ACAA1: variants seen among roughly 807,000 people sequenced by gnomAD.
ACAA1 encodes the protein acetyl-CoA acyltransferase 1.
Under a neutral mutation model 48.8 loss-of-function variants are expected in ACAA1, and 44 were observed. The ratio of observed to expected loss-of-function variants is 0.90; its 90% CI spans 0.71 to 1.16. ACAA1 has a LOEUF of 1.16. ACAA1 is among the 50% of genes most tolerant of loss of function. The pLI is 0.00. For synonymous variants in ACAA1, 233 were observed against 226.5 expected, an observed-to-expected ratio of 1.03 and a Z score of -0.26; for missense variants, 512 against 562.3, an observed-to-expected ratio of 0.91 and a Z score of 0.90.
In ACAA1 at chr3:38,129,846, C is replaced by T. The variant is rs1041127571; in HGVS notation, c.447-458G>A. Among the ~76,000 whole-genome samples, 4 of 152,040 alleles carry T rather than the reference C, an allele frequency of 2.6e-5. No individual in the cohort carries two copies. The highest frequency in any genetic ancestry group is 4.8e-5 in the African/African-American group (2 of 41,420). On this transcript the variant is annotated intron_variant, in intron 5 of 11. Coordinates refer to ENST00000333167, the MANE Select transcript of ACAA1 (RefSeq NM_001607.4). This position sits in a 1 kb window ranked among gnomAD's most constrained non-coding sequence, Gnocchi z 5.3. ...ATCCCAGCACTTTGGGAGGCCAAGG[C>T]GGGCAGATCATGAGGCTAACATGGT...
chr3:38,123,691 AGATT>A (rs1700597055), intron 11 of ACAA1: 1 of 152,456 alleles, frequency 6.6e-6, no homozygotes, highest in Admixed American at 6.5e-5. Flanking sequence ...CTTTTTTAAA[AGATT>A]GATTTAAAAG....
In ACAA1 at chr3:38,122,864, C is replaced by T; in HGVS notation, c.*183G>A. ...GGGTCTGATGGGTGGCTCAACACCC[C>T]ACCCACTCCTATACCATGTCATCAG... On this transcript the variant is annotated 3_prime_UTR_variant, in exon 12 of 12. Transcript: ENST00000333167. 1.3e-6 allele frequency: 1 copy of T among 780,230 alleles called. No individual in the cohort carries two copies. Among genetic ancestry groups the T allele is most frequent in the Non-Finnish European group, 2.0e-6 (1 of 499,312 alleles). 48.3% of individuals were successfully genotyped at this position (780,230 alleles called of 1,614,324 possible).
At chr3:38,127,732 A>T in intron 7 of ACAA1, 54 bp downstream of exon 7, 1 of 1,577,392 alleles carries the variant, frequency 6.3e-7, no homozygotes, top group Non-Finnish European at 8.7e-7. Context: ...ACTTAGATAG[A>T]CTCAAAACCT....
At chr3:38,124,957 C>T (rs1174395715) in intron 11 of ACAA1, 2 of 152,200 alleles carry the variant, frequency 1.3e-5, no homozygotes, top group East Asian at 1.9e-4. Context: ...CACACACTAA[C>T]CTCCTCTGCA....
At chr3:38,123,279 A>C in intron 11 of ACAA1, 157 bp from the exon 12 acceptor site, 1 of 660,500 alleles carries the variant, frequency 1.5e-6, no homozygotes, top group South Asian at 1.7e-5. Context: ...GGGCACACAC[A>C]CGGTGACAGA....
intron 2 of ACAA1, among the ~76,000 whole-genome samples, chr3:38,136,119 C>T (rs1011840008): frequency 6.6e-6 from 1 of 152,228 alleles, no homozygotes; most frequent in African/African-American, 2.4e-5. Context: ...TCCCTCAAAC[C>T]TTGATTCAAT....
At chr3:38,125,794 G>A (rs1700668099) in intron 10 of ACAA1, 32 bp downstream of exon 10, 2 of 1,614,140 alleles carry the variant, frequency 1.2e-6, no homozygotes, top group Non-Finnish European at 1.7e-6. Context: ...GGCTGTCCAG[G>A]GCAAAGGCAA....
At chr3:38,136,834 C>T in intron 1 of ACAA1, 31 bp downstream of exon 1, 1 of 1,496,180 alleles carries the variant, frequency 6.7e-7, no homozygotes, top group Non-Finnish European at 8.8e-7. Context: ...GGCGTCTTCC[C>T]ACACTCGGCG....
chr3:38,133,655 T>G (rs1365960957), intron 3 of ACAA1: 2 of 427,584 alleles, frequency 4.7e-6, no homozygotes, highest in South Asian at 5.8e-5. Flanking sequence ...ACTTGATTAC[T>G]CACCTGACAA....
At chr3:38,123,216 T>C (rs1363606934) in intron 11 of ACAA1, 94 bp from the exon 12 acceptor site, 2 of 1,248,518 alleles carry the variant, frequency 1.6e-6, no homozygotes, top group Middle Eastern at 1.9e-4. Flanking sequence ...ACAAGTAGGA[T>C]GCAAAACCAT....
chr3:38,125,989 G>A (rs888965829), intron 9 of ACAA1, 108 bp from the exon 10 acceptor site: 19 of 1,547,878 alleles, frequency 1.2e-5, no homozygotes, highest in East Asian at 4.5e-5. Flanking sequence ...CTTCCAGAAG[G>A]GTGAGCCAAT....
Position 38,137,001 on chromosome 3 carries a change from CT to C in ACAA1, c.34del (p.Arg12GlyfsTer16). ...CATCCAGCCGGAATCGGCCGGACCC[CT>C]CAGGTGGCCCAGCACTACCTGCAGC... ...QRLQVVLGHL[R>X]GPADSGWMPQ... is the part of the protein sequence containing the mutation. On this transcript the variant is annotated frameshift_variant, in exon 1 of 12. Coordinates refer to ENST00000333167, the MANE Select transcript of ACAA1 (RefSeq NM_001607.4). LOFTEE classifies it high-confidence loss of function. 1 of 1,566,264 alleles carries C rather than the reference CT, an allele frequency of 6.4e-7. No individual in the cohort carries two copies. The highest frequency in any genetic ancestry group is 8.6e-7 in the Non-Finnish European group (1 of 1,157,734).
chr3:38,125,149 T>C (rs1259164417), intron 11 of ACAA1: 1 of 157,132 alleles, frequency 6.4e-6, no homozygotes, highest in African/African-American at 2.4e-5. Context: ...ACTAATATGA[T>C]GCACTATCCT....
At position 38,125,565 on chromosome 3, in the gene ACAA1, C is replaced by T; in HGVS notation, c.1199G>A (p.Arg400Lys). 1 of 1,543,464 alleles carries T rather than the reference C, an allele frequency of 6.5e-7. No individual in the cohort carries two copies. The highest frequency in any genetic ancestry group is 1.3e-5 in the South Asian group (1 of 78,954). ...LLNELKRRGK[R>K]AYGVVSMCIG... ...CCCACCGCCAGGAGCAAAGCCTTAC[C>T]TCTTCCCACGGCGCTTCAGCTCATT... Residue 400 changes from arginine (R) to lysine (K), a missense_variant and splice_region_variant, in exon 11 of 12, where the codon AGG becomes AAG. Arg to Lys is a conservative substitution (Grantham distance 26). Transcript: ENST00000333167.
chr3:38,125,611 G>A lies in ACAA1; in HGVS notation c.1153C>T (p.Arg385Ter), dbSNP rs770705389. The A allele has an allele frequency of 1.6e-5, 26 of 1,594,714 alleles. No individual in the cohort carries two copies. Among genetic ancestry groups the A allele is most frequent in the Middle Eastern group, 3.3e-4 (2 of 5,972 alleles). Residue 385 changes from arginine to a stop codon, truncating the protein, a stop_gained, in exon 11 of 12, where the codon CGA becomes TGA. Transcript: ENST00000333167. LOFTEE classifies it high-confidence loss of function. ...LGHPLGCTGA[R>*]QVITLLNELK... Reference sequence around the variant, plus strand: ...TCATTGAGCAGCGTGATGACCTGTCGTGCCCCAGTGCAGCCCAGTGGGTGC... The same window carrying A: ...TCATTGAGCAGCGTGATGACCTGTCATGCCCCAGTGCAGCCCAGTGGGTGC...
rs1284795997 is a variant in ACAA1 at position 38,137,081 on chromosome 3, C to T, written c.-46G>A. 26 of 1,469,796 alleles carry T rather than the reference C, an allele frequency of 1.8e-5. No homozygotes were observed. The highest frequency in any genetic ancestry group is 5.2e-5 in the Admixed American group (2 of 38,752). 91.0% of individuals were successfully genotyped at this position (1,469,796 alleles called of 1,614,324 possible). ...ACCAGCCACCAGTCCGGGAACTGAC[C>T]GCGGAGTTAACAGACAGCCGTCCGC... On this transcript the variant is annotated 5_prime_UTR_variant, in exon 1 of 12. Coordinates refer to ENST00000333167, the MANE Select transcript of ACAA1 (RefSeq NM_001607.4).
chr3:38,123,687 T>TAA (rs1289900523), intron 11 of ACAA1: 1 of 152,324 alleles, frequency 6.6e-6, no homozygotes, highest in Non-Finnish European at 1.5e-5. Context: ...AAAACTTTTT[T>TAA]AAAAGATTGA....
rs755543220 is a variant in ACAA1, at chr3:38,126,733, C to T, written c.627-33G>A. 3.1e-6 allele frequency: 5 copies of T among 1,611,092 alleles called. No individual in the cohort carries two copies. The highest frequency in any genetic ancestry group is 4.2e-6 in the Non-Finnish European group (5 of 1,179,400). On this transcript the variant is annotated intron_variant, in intron 7 of 11. Coordinates refer to ENST00000333167, the MANE Select transcript of ACAA1 (RefSeq NM_001607.4). The surrounding 1 kb of genome is among the most constrained non-coding windows in gnomAD (Gnocchi z 4.7). ...CACCATGGACAGCCAGCTTCAGACTCCCTTGGGGTTCCCTTCCTCCCTGCC... is the reference window on the plus strand; with the variant it reads ...CACCATGGACAGCCAGCTTCAGACTTCCTTGGGGTTCCCTTCCTCCCTGCC...
At chr3:38,132,495 C>G (rs1366186528) in intron 3 of ACAA1, 1 of 154,800 alleles carries the variant, frequency 6.5e-6, no homozygotes, top group Non-Finnish European at 1.4e-5. Flanking sequence ...CTGCATGTTC[C>G]CATGGACTCT....
Sources: gnomAD v4.1 joint callset for allele counts (sites outside exome capture counted in the v4.1 genomes callset) on GRCh38, gnomAD v4.1.1 for gene constraint, Gnocchi (gnomAD v3.1) non-coding constraint, MANE v1.5 for transcripts, NCBI Gene and HGNC (gene_info 2026-07-23, HGNC 2026-07-21) for gene names.